The following AP4S1 variants were observed in gnomAD, a reference collection of about 807,000 sequenced individuals.
AP4S1 encodes the protein AP-4 complex subunit sigma-1.
A neutral mutation model predicts 19.8 loss-of-function variants in AP4S1; 23 were observed. That is an observed-to-expected ratio of 1.16 (90% CI 0.84 to 1.65). The LOEUF (loss-of-function observed/expected upper bound fraction) is 1.65, where lower values mean the gene tolerates loss of function less well. AP4S1 is among the 40% of genes most tolerant of loss of function. AP4S1 has a pLI of 0.00. For synonymous variants in AP4S1, 46 were observed against 54.1 expected, an observed-to-expected ratio of 0.85 and a Z score of 0.66; for missense variants, 166 against 172.8, an observed-to-expected ratio of 0.96 and a Z score of 0.22.
intron 5 of AP4S1, among the ~76,000 whole-genome samples, chr14:31,086,905 C>CTTGA (rs1887934027): frequency 6.6e-6 from 1 of 152,002 alleles, no homozygotes; most frequent in African/African-American, 2.4e-5. Context: ...GTTGCCCAGG[C>CTTGA]TTGAGTGCAG....
chr14:31,034,181 A>G (rs1461930073), intron 1 of AP4S1, among the ~76,000 whole-genome samples: 1 of 152,260 alleles, frequency 6.6e-6, no homozygotes, highest in Non-Finnish European at 1.5e-5. Flanking sequence ...CAGTAAATCT[A>G]TGCTAAAGAC....
At chr14:31,051,775 C>A (rs978016593) in intron 1 of AP4S1, among the ~76,000 whole-genome samples, 4 of 152,168 alleles carry the variant, frequency 2.6e-5, no homozygotes, top group African/African-American at 7.2e-5. Flanking sequence ...ATTCCCCTGC[C>A]TCAGCCTCCA....
chr14:31,089,811 C>T (rs2139125873), intron 5 of AP4S1, among the ~76,000 whole-genome samples: 1 of 152,144 alleles, frequency 6.6e-6, no homozygotes, highest in East Asian at 1.9e-4. Context: ...CCCAGCTACT[C>T]AGGAGGCTGA....
At chr14:31,082,875 G>T (rs920480117) in intron 5 of AP4S1, among the ~76,000 whole-genome samples, 41 of 148,762 alleles carry the variant, frequency 2.8e-4, no homozygotes, top group Non-Finnish European at 4.0e-4. Context: ...CAGCCTGGGC[G>T]ACAGAGCGAG....
intron 2 of AP4S1, among the ~76,000 whole-genome samples, chr14:31,069,251 T>A (rs1246727754): frequency 6.6e-6 from 1 of 152,202 alleles, no homozygotes; most frequent in Non-Finnish European, 1.5e-5. Context: ...AGGCTAGTTA[T>A]TAATTCATAT....
intron 1 of AP4S1, among the ~76,000 whole-genome samples, chr14:31,053,211 G>T (rs1885905459): frequency 6.6e-6 from 1 of 152,110 alleles, no homozygotes; most frequent in Non-Finnish European, 1.5e-5. Flanking sequence ...AAAGTGTTGG[G>T]ATTACAGGCA....
chr14:31,089,932 T>G (rs912701853), intron 5 of AP4S1, among the ~76,000 whole-genome samples: 1 of 152,216 alleles, frequency 6.6e-6, no homozygotes, highest in Admixed American at 6.5e-5. Flanking sequence ...AAAGATAAAA[T>G]TCCAATGTTG....
chr14:31,066,061 A>G (rs1886698091), intron 1 of AP4S1, 65 bp from the exon 2 acceptor site: 5 of 762,444 alleles, frequency 6.6e-6, no homozygotes, highest in African/African-American at 1.8e-5. Context: ...CTATAAAAAC[A>G]TTTAATATAA....
At chr14:31,034,343 A>C (rs1884590574) in intron 1 of AP4S1, among the ~76,000 whole-genome samples, 1 of 152,216 alleles carries the variant, frequency 6.6e-6, no homozygotes, top group South Asian at 2.1e-4. Context: ...AAGACTGAAG[A>C]ATTATTTATA....
Position 31,029,576 on chromosome 14 carries a change from C to T in AP4S1, c.-72+3789C>T, listed in dbSNP as rs147667248. On this transcript the variant is annotated intron_variant, in intron 1 of 5. Transcript: ENST00000542754. ...CTCATGCCTGTAATCCCAACACTTT[C>T]GGAGACAGAGGTGAGAGGATGGCTT... Among the ~76,000 whole-genome samples the T allele has an allele frequency of 2.4e-4, 36 of 152,272 alleles. 1 individual carries two copies. In the East Asian group the frequency reaches 5.2e-3, roughly 22 times the overall value.
chr14:31,087,321 T>C (rs1887947225), intron 5 of AP4S1, among the ~76,000 whole-genome samples: 3 of 152,116 alleles, frequency 2.0e-5, no homozygotes, highest in African/African-American at 7.2e-5. Context: ...GACTCTAGGA[T>C]TATAAATTGG....
chr14:31,071,259 G>A (rs540886852), intron 3 of AP4S1, among the ~76,000 whole-genome samples: 236 of 152,234 alleles, frequency 1.6e-3, no homozygotes, highest in African/African-American at 5.0e-3. Flanking sequence ...ACCAAACTTT[G>A]AAGTGGTTTT....
Position 31,073,285 on chromosome 14 carries a change from TG to T in AP4S1, c.294+314del, listed in dbSNP as rs547159838. ...GTGGGCAGATCACAAGGTCAGGAGA[TG>T]GAGACCATCCTGGCTAATACGGTGA... On this transcript the variant is annotated intron_variant, in intron 4 of 5. Coordinates refer to ENST00000542754, the MANE Select transcript of AP4S1 (RefSeq NM_001128126.3). 5.1e-4 allele frequency: 164 copies of T among 323,368 alleles called. 1 individual carries two copies. The highest frequency in any genetic ancestry group is 4.2e-3 in the South Asian group (147 of 35,204). The allele number at this position is 323,368 out of a possible 1,614,324, so 20.0% of individuals were successfully genotyped here.
chr14:31,039,838 C>T (rs1885009577), intron 1 of AP4S1, among the ~76,000 whole-genome samples: 1 of 152,086 alleles, frequency 6.6e-6, no homozygotes, highest in Non-Finnish European at 1.5e-5. Context: ...ATCCGCCCGT[C>T]TCGGCCTCCC....
intron 5 of AP4S1, chr14:31,085,047 A>G: frequency 6.9e-7 from 1 of 1,451,780 alleles, no homozygotes; most frequent in Non-Finnish European, 9.1e-7. Flanking sequence ...TATTTGGGCT[A>G]GACTGGAATG....
intron 5 of AP4S1, among the ~76,000 whole-genome samples, chr14:31,088,881 G>T (rs1223305386): frequency 1.3e-5 from 2 of 151,538 alleles, no homozygotes; most frequent in Non-Finnish European, 2.9e-5. Context: ...ACAGGGCCGG[G>T]CACAGTGGCT....
At chr14:31,029,575 T>A (rs1341926046) in intron 1 of AP4S1, among the ~76,000 whole-genome samples, 1 of 152,198 alleles carries the variant, frequency 6.6e-6, no homozygotes, top group Non-Finnish European at 1.5e-5. Context: ...CCCAACACTT[T>A]CGGAGACAGA....
intron 4 of AP4S1, among the ~76,000 whole-genome samples, chr14:31,073,342 T>G: frequency 1.4e-5 from 2 of 140,412 alleles, no homozygotes; most frequent in African/African-American, 2.5e-5. Flanking sequence ...TACAAAAAAT[T>G]AGCTGGGCGT....
intron 1 of AP4S1, among the ~76,000 whole-genome samples, chr14:31,043,127 G>A (rs1188406591): frequency 2.0e-5 from 3 of 151,828 alleles, no homozygotes; most frequent in South Asian, 2.1e-4. Flanking sequence ...AAACTGAGGC[G>A]GGAGAATCGC....
Sources: gnomAD v4.1 joint callset for allele counts (sites outside exome capture counted in the v4.1 genomes callset) on GRCh38, gnomAD v4.1.1 for gene constraint, MANE v1.5 for transcripts, NCBI Gene and HGNC (gene_info 2026-07-23, HGNC 2026-07-21) for gene names.